NTRK2: variants seen among roughly 807,000 people sequenced by gnomAD.
NTRK2 encodes neurotrophic receptor tyrosine kinase 2.
In NTRK2, 13 loss-of-function variants were observed where a neutral mutation model predicts 94.5. The observed-to-expected ratio is 0.14, with a 90% CI of 0.09 to 0.22. The LOEUF (loss-of-function observed/expected upper bound fraction) is 0.22, where lower values mean the gene tolerates loss of function less well. Ranked by LOEUF, NTRK2 falls within the 10% of genes least tolerant of loss-of-function variation. The pLI is 1.00. For missense variants in NTRK2, 639 were observed against 1,071.2 expected (o/e 0.60, Z 5.63); for synonymous variants, 372 against 407.4 (o/e 0.91, Z 1.05).
rs1418084129 is a variant in NTRK2, at chr9:85,026,687, A to G, written c.*5250A>G. 1.7e-5 allele frequency: 4 copies of G among 232,934 alleles called. No homozygotes were observed. The highest frequency in any genetic ancestry group is 1.8e-4 in the South Asian group (1 of 5,518). 14.4% of individuals were successfully genotyped at this position (232,934 alleles called of 1,614,324 possible). The stretch of plus-strand genomic sequence containing the variant: ...TGCATTTGCTTCTGTATCTGGAGAG[A>G]TGTTTGTATATATCCAGGCCGTATA... On this transcript the variant is annotated 3_prime_UTR_variant, in exon 19 of 19. Coordinates refer to ENST00000277120, the MANE Select transcript of NTRK2 (RefSeq NM_006180.6).
intron 17 of NTRK2, among the ~76,000 whole-genome samples, chr9:84,988,432 T>C (rs1828626745): frequency 6.6e-6 from 1 of 151,964 alleles, no homozygotes; most frequent in African/African-American, 2.4e-5. Context: ...ATAAATTTCA[T>C]CTCTTTCACA....
At chr9:84,888,110 C>T (rs2076473693) in intron 14 of NTRK2, among the ~76,000 whole-genome samples, 1 of 151,890 alleles carries the variant, frequency 6.6e-6, no homozygotes, top group South Asian at 2.1e-4. Context: ...AAAAAGCCAG[C>T]CAGGACAAAG....
intron 2 of NTRK2, among the ~76,000 whole-genome samples, chr9:84,691,983 A>G (rs987902096): frequency 1.3e-5 from 2 of 152,206 alleles, no homozygotes; most frequent in African/African-American, 4.8e-5. Context: ...CCGATGTTAG[A>G]GTACATCTGC....
At chr9:84,808,926 G>C (rs772939174) in intron 12 of NTRK2, among the ~76,000 whole-genome samples, 18 of 152,320 alleles carry the variant, frequency 1.2e-4, no homozygotes, top group South Asian at 2.1e-4. Context: ...GGAAGATGGA[G>C]AGTCTACATG....
chr9:84,995,541 G>T (rs1829653352), intron 17 of NTRK2, among the ~76,000 whole-genome samples: 1 of 152,070 alleles, frequency 6.6e-6, no homozygotes, highest in Non-Finnish European at 1.5e-5. Flanking sequence ...CATTGGAGTT[G>T]ATTCTGGCCT....
chr9:85,013,977 G>C (rs907249780), intron 17 of NTRK2, among the ~76,000 whole-genome samples: 2 of 152,234 alleles, frequency 1.3e-5, no homozygotes, highest in African/African-American at 4.8e-5. Context: ...ATCACTAGCA[G>C]CTTCAAAGCC....
chr9:84,897,675 C>A (rs1420320053), intron 14 of NTRK2, among the ~76,000 whole-genome samples: 1 of 152,164 alleles, frequency 6.6e-6, no homozygotes, highest in Non-Finnish European at 1.5e-5. Context: ...TGCCTTAGGA[C>A]CCAGAAGTGC....
chr9:84,690,574 T>C (rs1338765961), intron 2 of NTRK2, among the ~76,000 whole-genome samples: 5 of 151,790 alleles, frequency 3.3e-5, no homozygotes, highest in Non-Finnish European at 7.4e-5. Flanking sequence ...CTGGGCATGG[T>C]GGCCGGTGGT....
chr9:85,020,461 A>G (rs922911447), intron 18 of NTRK2, 97 bp downstream of exon 18: 6 of 1,285,630 alleles, frequency 4.7e-6, no homozygotes, highest in Non-Finnish European at 4.5e-6. Context: ...CCATGTCAGG[A>G]CACGATCTTA....
chr9:84,728,367 A>G (rs1190069331), intron 9 of NTRK2, among the ~76,000 whole-genome samples: 2 of 152,200 alleles, frequency 1.3e-5, no homozygotes, highest in Non-Finnish European at 2.9e-5. Context: ...TGAGGAAATT[A>G]ATAATTTTGA....
At chr9:84,760,724 G>T (rs1452115566) in intron 12 of NTRK2, among the ~76,000 whole-genome samples, 1 of 152,162 alleles carries the variant, frequency 6.6e-6, no homozygotes, top group African/African-American at 2.4e-5. Context: ...TTTCAGGGGA[G>T]AAATATTTTC....
chr9:84,772,878 C>T (rs2066690812), intron 12 of NTRK2, among the ~76,000 whole-genome samples: 2 of 151,992 alleles, frequency 1.3e-5, no homozygotes, highest in African/African-American at 2.4e-5. Flanking sequence ...TGGCAGGGGA[C>T]GATGATGGAG....
chr9:84,949,326 G>A (rs927192342), intron 16 of NTRK2, among the ~76,000 whole-genome samples: 5 of 152,218 alleles, frequency 3.3e-5, no homozygotes, highest in African/African-American at 4.8e-5. Context: ...TTTGTGGGAT[G>A]TGGGGTCTTC....
At chr9:84,724,432 T>G in intron 8 of NTRK2, 76 bp downstream of exon 8, 2 of 1,556,678 alleles carry the variant, frequency 1.3e-6, no homozygotes, top group Non-Finnish European at 1.8e-6. Flanking sequence ...TGGGGCACTC[T>G]GGGTGCTGCT....
intron 12 of NTRK2, among the ~76,000 whole-genome samples, chr9:84,798,912 C>CCATATATATATATATA (rs376082856): frequency 4.7e-5 from 6 of 128,034 alleles, no homozygotes; most frequent in African/African-American, 1.9e-4. Context: ...CTTCTAAGTG[C>CCATATATATATATATA]TATATATATA....
intron 17 of NTRK2, among the ~76,000 whole-genome samples, chr9:85,019,074 T>C (rs1340770104): frequency 1.3e-5 from 2 of 152,202 alleles, no homozygotes; most frequent in Non-Finnish European, 2.9e-5. Context: ...ATGTTAGACA[T>C]CTCTGACATT....
chr9:84,813,794 A>G (rs1028900332), intron 12 of NTRK2: 45 of 1,065,792 alleles, frequency 4.2e-5, no homozygotes, highest in Non-Finnish European at 4.8e-5. Flanking sequence ...TGGCCCAGTC[A>G]GGTGCTGCCA....
At chr9:84,944,212 C>CTT (rs2078512945) in intron 15 of NTRK2, among the ~76,000 whole-genome samples, 2 of 143,356 alleles carry the variant, frequency 1.4e-5, no homozygotes, top group African/African-American at 5.6e-5. Flanking sequence ...CTCTCTCTCT[C>CTT]TCTCACACAC....
At chr9:84,979,830 G>A (rs536177865) in intron 17 of NTRK2, among the ~76,000 whole-genome samples, 3 of 152,334 alleles carry the variant, frequency 2.0e-5, no homozygotes, top group Admixed American at 6.5e-5. Context: ...CTGTCACCAC[G>A]AAGGCAAGAA....
Sources: allele counts gnomAD v4.1 joint callset (sites outside exome capture counted in the v4.1 genomes callset), GRCh38; gene constraint gnomAD v4.1.1; transcripts MANE v1.5; gene names NCBI Gene and HGNC (gene_info 2026-07-23, HGNC 2026-07-21).